The following CDH13 variants were observed in gnomAD, a reference collection of about 807,000 sequenced individuals.
The protein encoded by CDH13 is cadherin 13, also known as cadherin-13.
A neutral mutation model predicts 63.8 loss-of-function variants in CDH13; 24 were observed. The ratio of observed to expected loss-of-function variants is 0.38; its 90% CI spans 0.27 to 0.53. The LOEUF is 0.53. Ranked by LOEUF, CDH13 falls within the 20% of genes least tolerant of loss-of-function variation. The pLI is 0.85. For missense variants in CDH13, 1,049 were observed against 903.1 expected (o/e 1.16, Z -2.07); for synonymous variants, 503 against 355.3 (o/e 1.42, Z -4.67).
chr16:83,181,169 G>C (rs1025614358), intron 4 of CDH13: 26 of 632,064 alleles, frequency 4.1e-5, no homozygotes, highest in Non-Finnish European at 5.0e-5. Flanking sequence ...TCTACTGAAG[G>C]CTTTGCAGCC....
chr16:83,529,774 T>G lies in CDH13; in HGVS notation c.960+43119T>G, dbSNP rs190854046. On this transcript the variant is annotated intron_variant, in intron 7 of 13. Coordinates refer to ENST00000567109, the MANE Select transcript of CDH13 (RefSeq NM_001257.5). Reference sequence around the variant, plus strand: ...ACATAAAAGAAAAATACAATATTGATATTGATTTTAAAAAAGATGAAAATA... The same window carrying G: ...ACATAAAAGAAAAATACAATATTGAGATTGATTTTAAAAAAGATGAAAATA... Among the ~76,000 whole-genome samples, 110 of 152,302 alleles carry G rather than the reference T, an allele frequency of 7.2e-4. 2 individuals are homozygous for G. Among genetic ancestry groups the G allele is most frequent in the African/African-American group, 2.5e-3 (104 of 41,572 alleles).
intron 3 of CDH13, among the ~76,000 whole-genome samples, chr16:83,073,044 C>A (rs148926441): frequency 6.6e-6 from 1 of 152,160 alleles, no homozygotes; most frequent in Non-Finnish European, 1.5e-5. Flanking sequence ...GTCCTAAGTG[C>A]TTGTGTTGAG....
chr16:83,312,331 A>G (rs1005246997), intron 5 of CDH13, among the ~76,000 whole-genome samples: 2 of 152,168 alleles, frequency 1.3e-5, no homozygotes, highest in African/African-American at 4.8e-5. Context: ...CTAAAGCAAT[A>G]GAATCATTGG....
intron 8 of CDH13, among the ~76,000 whole-genome samples, chr16:83,651,568 C>T (rs1912376219): frequency 6.9e-6 from 1 of 144,676 alleles, no homozygotes; most frequent in Non-Finnish European, 1.5e-5. Flanking sequence ...TCACTTTCCT[C>T]ATTGGTCTTT....
At chr16:83,249,348 T>C (rs537598894) in intron 5 of CDH13, among the ~76,000 whole-genome samples, 1 of 152,324 alleles carries the variant, frequency 6.6e-6, no homozygotes, top group South Asian at 2.1e-4. Context: ...GGCAGGATTG[T>C]CTTCACCATG....
At chr16:83,469,146 G>A (rs563623089) in intron 6 of CDH13, among the ~76,000 whole-genome samples, 7 of 152,308 alleles carry the variant, frequency 4.6e-5, no homozygotes, top group Non-Finnish European at 5.9e-5. Context: ...GTTCAAGGCC[G>A]TGGAAGATAG....
chr16:83,780,444 G>A (rs1915438693), intron 12 of CDH13, among the ~76,000 whole-genome samples: 2 of 152,082 alleles, frequency 1.3e-5, no homozygotes, highest in African/African-American at 4.8e-5. Context: ...TTTCTATACT[G>A]TACACCCTGT....
intron 8 of CDH13, among the ~76,000 whole-genome samples, chr16:83,618,045 T>C (rs1198716766): frequency 6.6e-6 from 1 of 152,216 alleles, no homozygotes; most frequent in Non-Finnish European, 1.5e-5. Flanking sequence ...TGCCGTGTAG[T>C]GCATGATCAA....
intron 2 of CDH13, among the ~76,000 whole-genome samples, chr16:82,949,450 A>G (rs1905075108): frequency 2.0e-5 from 3 of 152,172 alleles, no homozygotes. Context: ...AAATAAGGTC[A>G]CTTTTGCAGA....
At chr16:83,247,444 T>G (rs540582162) in intron 5 of CDH13, among the ~76,000 whole-genome samples, 23 of 152,306 alleles carry the variant, frequency 1.5e-4, no homozygotes, top group African/African-American at 5.5e-4. Context: ...CCAGTTATTT[T>G]TATTTCTGCT....
At chr16:83,734,929 A>G (rs1911395789) in intron 10 of CDH13, among the ~76,000 whole-genome samples, 1 of 151,308 alleles carries the variant, frequency 6.6e-6, no homozygotes, top group Admixed American at 6.6e-5. Context: ...TTCTTGAGAA[A>G]GGAACTCAGA....
rs532458576 is a variant in CDH13, at chr16:83,455,350, C to G, written c.782-31127C>G. ...ACCAATGACAGCTGTTTCTGAGCAT[C>G]TAAAATGCAGGGAGCCTGGTGTGAT... On this transcript the variant is annotated intron_variant, in intron 6 of 13. Transcript: ENST00000567109. 2.6e-5 allele frequency among the ~76,000 whole-genome samples: 4 copies of G among 152,304 alleles called. No individual in the cohort carries two copies. In the South Asian group the frequency reaches 8.3e-4, roughly 32 times the overall value.
At chr16:83,185,354 T>C (rs569187966) in intron 4 of CDH13, among the ~76,000 whole-genome samples, 1 of 152,364 alleles carries the variant, frequency 6.6e-6, no homozygotes, top group African/African-American at 2.4e-5. Flanking sequence ...CTGCACCTTG[T>C]AATTTCTGGC....
intron 10 of CDH13, among the ~76,000 whole-genome samples, chr16:83,700,002 A>G (rs550916413): frequency 6.6e-6 from 1 of 152,154 alleles, no homozygotes; most frequent in South Asian, 2.1e-4. Context: ...CCTTGACGCT[A>G]TCACCGTGAT....
intron 1 of CDH13, among the ~76,000 whole-genome samples, chr16:82,750,806 C>G (rs1273802968): frequency 6.6e-6 from 1 of 151,988 alleles, no homozygotes; most frequent in African/African-American, 2.4e-5. Flanking sequence ...ACAGCCTAGG[C>G]AAAGACTCTG....
intron 8 of CDH13, among the ~76,000 whole-genome samples, chr16:83,620,847 G>T (rs887423298): frequency 6.6e-6 from 1 of 152,120 alleles, no homozygotes; most frequent in African/African-American, 2.4e-5. Flanking sequence ...TATCAAGAAC[G>T]GCAATTGTGT....
intron 1 of CDH13, among the ~76,000 whole-genome samples, chr16:82,655,048 T>A (rs979744790): frequency 3.3e-5 from 5 of 152,236 alleles, no homozygotes; most frequent in Non-Finnish European, 7.3e-5. Flanking sequence ...AACTGGAGGA[T>A]GGAGTCCAAA....
chr16:83,067,541 G>T (rs1474916103), intron 3 of CDH13, among the ~76,000 whole-genome samples: 3 of 152,134 alleles, frequency 2.0e-5, no homozygotes, highest in African/African-American at 4.8e-5. Flanking sequence ...CTGCAGTTTG[G>T]AAGTATTAAT....
At chr16:83,219,196 G>C (rs2039624874) in intron 5 of CDH13, among the ~76,000 whole-genome samples, 1 of 152,162 alleles carries the variant, frequency 6.6e-6, no homozygotes, top group South Asian at 2.1e-4. Context: ...CATAAAGTAT[G>C]ATTACAGCTA....
Sources: gnomAD v4.1 joint callset for allele counts (sites outside exome capture counted in the v4.1 genomes callset) on GRCh38, gnomAD v4.1.1 for gene constraint, MANE v1.5 for transcripts, NCBI Gene and HGNC (gene_info 2026-07-23, HGNC 2026-07-21) for gene names.